SOX6: variants seen among roughly 807,000 people sequenced by gnomAD.
SOX6 encodes SRY-box transcription factor 6, also known as transcription factor SOX-6.
SOX6 carries 11 observed loss-of-function variants against 97.8 expected under a neutral mutation model. The ratio of observed to expected loss-of-function variants is 0.11; its 90% CI spans 0.07 to 0.19. The LOEUF (loss-of-function observed/expected upper bound fraction) is 0.19. Ranked by LOEUF, SOX6 falls within the 10% of genes least tolerant of loss-of-function variation. SOX6 has a pLI of 1.00. For synonymous variants in SOX6, 360 were observed against 371.4 expected, an observed-to-expected ratio of 0.97 and a Z score of 0.35; for missense variants, 810 against 1,039.5, an observed-to-expected ratio of 0.78 and a Z score of 3.04.
At chr11:16,178,801 T>C (rs555275531) in intron 6 of SOX6, among the ~76,000 whole-genome samples, 2 of 151,996 alleles carry the variant, frequency 1.3e-5, no homozygotes, top group East Asian at 3.9e-4. Context: ...TGTTCATCAA[T>C]GATAAATACA....
chr11:16,187,008 T>A, intron 4 of SOX6, 53 bp from the exon 5 acceptor site: 1 of 1,602,312 alleles, frequency 6.2e-7, no homozygotes, highest in Non-Finnish European at 8.5e-7. Flanking sequence ...CCTGGACGAA[T>A]AAGGGAAAGG....
intron 12 of SOX6, among the ~76,000 whole-genome samples, chr11:16,024,794 G>T (rs539056786): frequency 6.6e-6 from 1 of 152,174 alleles, no homozygotes; most frequent in East Asian, 1.9e-4. Flanking sequence ...ACTAATGTCT[G>T]CAGAGCTTCT....
intron 2 of SOX6, among the ~76,000 whole-genome samples, chr11:16,731,996 C>G (rs1167833583): frequency 6.6e-6 from 1 of 152,124 alleles, no homozygotes; most frequent in African/African-American, 2.4e-5. Flanking sequence ...ACAATTGCTA[C>G]AAAGAGAATA....
intron 6 of SOX6, among the ~76,000 whole-genome samples, chr11:16,132,505 A>AAAGAAAGC (rs1451899878): frequency 0.032 from 2,747 of 85,696 alleles, 352 homozygotes; most frequent in Middle Eastern, 0.057. Flanking sequence ...AGAAAGAAAG[A>AAAGAAAGC]AAGCTTATCT....
intron 13 of SOX6, among the ~76,000 whole-genome samples, chr11:15,993,764 T>A (rs1854132714): frequency 6.6e-6 from 1 of 152,152 alleles, no homozygotes; most frequent in Admixed American, 6.5e-5. Context: ...AAGGCAAATA[T>A]CTCCTTAGAA....
chr11:16,000,954 T>A (rs978219408), intron 13 of SOX6, among the ~76,000 whole-genome samples: 1 of 152,114 alleles, frequency 6.6e-6, no homozygotes, highest in Non-Finnish European at 1.5e-5. Flanking sequence ...CCTCCTGGAT[T>A]CAAGCGATTC....
chr11:16,065,778 A>G (rs1013056610), intron 9 of SOX6, among the ~76,000 whole-genome samples: 1 of 152,172 alleles, frequency 6.6e-6, no homozygotes. Context: ...TAAAAACTTA[A>G]TTCTTAGACA....
chr11:16,601,563 A>C (rs534583411), intron 4 of SOX6, among the ~76,000 whole-genome samples: 1 of 152,214 alleles, frequency 6.6e-6, no homozygotes, highest in African/African-American at 2.4e-5. Context: ...GCTTTCAAAC[A>C]TGGAAAGAGA....
At chr11:16,063,618 A>T (rs1848022079) in intron 9 of SOX6, among the ~76,000 whole-genome samples, 1 of 137,526 alleles carries the variant, frequency 7.3e-6, no homozygotes, top group Non-Finnish European at 1.6e-5. Context: ...AAAAAGTACA[A>T]GGCCTTTTCT....
intron 4 of SOX6, among the ~76,000 whole-genome samples, chr11:16,547,987 A>T (rs946677264): frequency 2.6e-5 from 4 of 152,188 alleles, no homozygotes; most frequent in African/African-American, 9.6e-5. Context: ...AAATTTATGG[A>T]AAACAATCAT....
chr11:16,536,866 T>C (rs2133173799), intron 4 of SOX6, among the ~76,000 whole-genome samples: 1 of 152,340 alleles, frequency 6.6e-6, no homozygotes, highest in East Asian at 1.9e-4. Context: ...TCCACCACTG[T>C]AGGCAGGGCA....
At chr11:16,252,947 A>G (rs1389789418) in intron 3 of SOX6, among the ~76,000 whole-genome samples, 3 of 152,166 alleles carry the variant, frequency 2.0e-5, no homozygotes, top group Non-Finnish European at 2.9e-5. Context: ...ACACGTTACC[A>G]CTACATGACT....
chr11:16,018,105 T>C (rs773558365), intron 12 of SOX6, among the ~76,000 whole-genome samples: 1 of 152,118 alleles, frequency 6.6e-6, no homozygotes, highest in Non-Finnish European at 1.5e-5. Context: ...GAGGTAGATG[T>C]TGCATATTAA....
At position 16,014,979 on chromosome 11, in the gene SOX6, T is replaced by C. The variant is rs749442480; in HGVS notation, c.1695A>G (p.Pro565=). 39 of 1,612,880 alleles carry C rather than the reference T, an allele frequency of 2.4e-5. No individual in the cohort carries two copies. Among genetic ancestry groups the C allele is most frequent in the African/African-American group, 4.0e-5 (3 of 74,828 alleles). ...GKSNEDGKLG[P]GVIDLTRPED... is the part of the protein sequence containing the mutation. The stretch of plus-strand genomic sequence containing the variant: ...CTGGCCGAGTAAGGTCGATGACACC[T>C]GGGCCCAGTTTTCCATCTTCATTTG... Residue 565 remains proline (P), a synonymous_variant, in exon 13 of 16, where the codon CCA becomes CCG. Transcript: ENST00000683767.
At chr11:16,303,905 CTTTG>C (rs1590108171) in intron 3 of SOX6, among the ~76,000 whole-genome samples, 3 of 151,990 alleles carry the variant, frequency 2.0e-5, no homozygotes, top group South Asian at 2.1e-4. Context: ...TGGGGGGTTT[CTTTG>C]TTTGTTTTTT....
At chr11:16,732,904 C>T (rs1266245403) in intron 2 of SOX6, among the ~76,000 whole-genome samples, 3 of 152,100 alleles carry the variant, frequency 2.0e-5, no homozygotes, top group African/African-American at 7.2e-5. Flanking sequence ...AAAAAAACAA[C>T]CCCATCAAAA....
chr11:16,536,487 A>G (rs945753870), intron 4 of SOX6, among the ~76,000 whole-genome samples: 5 of 152,198 alleles, frequency 3.3e-5, no homozygotes, highest in Admixed American at 2.0e-4. Context: ...GGTGAGCTGA[A>G]GAAGGGCGGG....
intron 6 of SOX6, among the ~76,000 whole-genome samples, chr11:16,173,253 T>C (rs550368039): frequency 1.3e-5 from 2 of 152,076 alleles, no homozygotes; most frequent in African/African-American, 2.4e-5. Context: ...TTAGGTCCAC[T>C]GGTCTTTGAG....
At chr11:16,053,289 TC>T (rs1847728943) in intron 10 of SOX6, among the ~76,000 whole-genome samples, 1 of 152,216 alleles carries the variant, frequency 6.6e-6, no homozygotes, top group Non-Finnish European at 1.5e-5. Flanking sequence ...TACAATTTTG[TC>T]CTGAGTTTTA....
Sources: allele counts gnomAD v4.1 joint callset (sites outside exome capture counted in the v4.1 genomes callset), GRCh38; gene constraint gnomAD v4.1.1; transcripts MANE v1.5; gene names NCBI Gene and HGNC (gene_info 2026-07-23, HGNC 2026-07-21).